The following CHST8 variants were observed in gnomAD, a reference collection of about 807,000 sequenced individuals.
CHST8 encodes carbohydrate sulfotransferase 8, also known as GALNAC-4-ST1.
CHST8 carries 10 observed loss-of-function variants against 15.0 expected under a neutral mutation model. That is an observed-to-expected ratio of 0.67 (90% CI 0.41 to 1.13). CHST8 has a LOEUF of 1.13. CHST8 is among the 50% of genes most tolerant of loss of function. The pLI, the probability that CHST8 is intolerant of heterozygous loss-of-function variation, is 0.00. For missense variants in CHST8, 634 were observed against 608.2 expected, an observed-to-expected ratio of 1.04 and a Z score of -0.45; for synonymous variants, 259 against 256.6, an observed-to-expected ratio of 1.01 and a Z score of -0.09.
chr19:33,722,686 G>A (rs1973821989), intron 3 of CHST8, among the ~76,000 whole-genome samples: 1 of 152,076 alleles, frequency 6.6e-6, no homozygotes, highest in Non-Finnish European at 1.5e-5. Flanking sequence ...ATGGAGATGA[G>A]GTTTCTGGGG....
In CHST8 at chr19:33,765,070, A is replaced by ATATATATATATATATATATATATATATG. The variant is rs71181381; in HGVS notation, c.131-6340_131-6339insATATATATATATATATATATATATGTAT. 7.4e-3 allele frequency among the ~76,000 whole-genome samples: 829 copies of ATATATATATATATATATATATATATATG among 112,610 alleles called. 35 individuals carry two copies. The highest frequency in any genetic ancestry group is 9.6e-3 in the Non-Finnish European group (522 of 54,528). The allele number at this position is 112,610 out of a possible 152,430, so 73.9% of individuals were successfully genotyped here. On this transcript the variant is annotated intron_variant, in intron 3 of 4. Coordinates refer to ENST00000650847, the MANE Select transcript of CHST8 (RefSeq NM_001127895.2). ...TATTCCATCATATATATATATATAT[A>ATATATATATATATATATATATATATATG]TATCAGAGTTTCTTTATCCACTCGT...
At chr19:33,724,816 C>T (rs1599588776) in intron 3 of CHST8, among the ~76,000 whole-genome samples, 1 of 152,186 alleles carries the variant, frequency 6.6e-6, no homozygotes, top group African/African-American at 2.4e-5. Flanking sequence ...TCCCCAGCTG[C>T]TCCACCTCTC....
intron 2 of CHST8, among the ~76,000 whole-genome samples, chr19:33,680,628 C>A (rs1042430897): frequency 7.9e-5 from 12 of 152,148 alleles, no homozygotes; most frequent in African/African-American, 2.9e-4. Flanking sequence ...TAGTCCAAAT[C>A]GATATTAATA....
At chr19:33,655,124 C>A (rs1972494008) in intron 1 of CHST8, among the ~76,000 whole-genome samples, 1 of 152,154 alleles carries the variant, frequency 6.6e-6, no homozygotes, top group Non-Finnish European at 1.5e-5. Context: ...GCAGCCTCCG[C>A]CTCCCGGGTA....
intron 3 of CHST8, among the ~76,000 whole-genome samples, chr19:33,755,632 G>A (rs111753452): frequency 0.01 from 1,557 of 152,312 alleles, 36 homozygotes; most frequent in African/African-American, 0.036. Context: ...TTTCACAACC[G>A]CAAAGAGGTG....
At chr19:33,654,806 G>T (rs1472225274) in intron 1 of CHST8, among the ~76,000 whole-genome samples, 1 of 152,078 alleles carries the variant, frequency 6.6e-6, no homozygotes, top group Non-Finnish European at 1.5e-5. Flanking sequence ...TCTTATGAGG[G>T]CCCTGACTGA....
At chr19:33,744,605 G>C (rs1974274751) in intron 3 of CHST8, 1 of 151,994 alleles carries the variant, frequency 6.6e-6, no homozygotes, top group South Asian at 2.1e-4. Context: ...CTGTCAGCCA[G>C]GTTGTAGTGC....
intron 3 of CHST8, among the ~76,000 whole-genome samples, chr19:33,714,535 T>G (rs550165811): frequency 6.6e-6 from 1 of 151,966 alleles, no homozygotes; most frequent in Non-Finnish European, 1.5e-5. Flanking sequence ...AAAAACCTAT[T>G]GGGTACAAAG....
At position 33,760,082 on chromosome 19, in the gene CHST8, G is replaced by T. The variant is rs75633164; in HGVS notation, c.131-11331G>T. On this transcript the variant is annotated intron_variant, in intron 3 of 4. Coordinates refer to ENST00000650847, the MANE Select transcript of CHST8 (RefSeq NM_001127895.2). Reference sequence around the variant, plus strand: ...GCCTCAAGAGTCTCCTGCCTGGATAGTGACAGCAATCCCCTGACCAACCTT... The same window carrying T: ...GCCTCAAGAGTCTCCTGCCTGGATATTGACAGCAATCCCCTGACCAACCTT... 9.8e-3 allele frequency among the ~76,000 whole-genome samples: 1,492 copies of T among 152,196 alleles called. 45 individuals are homozygous for T. The highest frequency in any genetic ancestry group is 0.079 in the East Asian group (409 of 5,148).
In CHST8 at chr19:33,704,309, C is replaced by T. The variant is rs549463409; in HGVS notation, c.130+14918C>T. Among the ~76,000 whole-genome samples the T allele has an allele frequency of 1.4e-3, 216 of 152,338 alleles. 1 individual carries two copies. Among genetic ancestry groups the T allele is most frequent in the African/African-American group, 5.0e-3 (210 of 41,590 alleles). ...CCCATCCCACCTCCTCCAAAGGCTA[C>T]AGCCATTTATGAGTGCATTTGACCT... On this transcript the variant is annotated intron_variant, in intron 3 of 4. Transcript: ENST00000650847.
Position 33,772,118 on chromosome 19 carries a change from C to G in CHST8, c.330C>G (p.Arg110=), listed in dbSNP as rs1974999508. 6.2e-7 allele frequency: 1 copy of G among 1,610,720 alleles called. No individual in the cohort carries two copies. The highest frequency in any genetic ancestry group is 8.5e-7 in the Non-Finnish European group (1 of 1,179,020). Reference sequence around the variant, plus strand: ...GAACCCGTCTGCGGCTCCGCCAGCGCCGTCGCCGTCTGCTCATCAAGAAAA... The same window carrying G: ...GAACCCGTCTGCGGCTCCGCCAGCGGCGTCGCCGTCTGCTCATCAAGAAAA... ...QRGTRLRLRQ[R]RRRLLIKKMP... Residue 110 remains arginine (R), a synonymous_variant, in exon 5 of 5, where the codon CGC becomes CGG. Coordinates refer to ENST00000650847, the MANE Select transcript of CHST8 (RefSeq NM_001127895.2).
chr19:33,702,460 G>C (rs1973358870), intron 3 of CHST8, among the ~76,000 whole-genome samples: 1 of 152,214 alleles, frequency 6.6e-6, no homozygotes, highest in Admixed American at 6.5e-5. Context: ...TGTGGCAACT[G>C]TCAGCTCCCC....
chr19:33,750,654 G>A (rs1419041783), intron 3 of CHST8, among the ~76,000 whole-genome samples: 1 of 152,238 alleles, frequency 6.6e-6, no homozygotes, highest in Non-Finnish European at 1.5e-5. Flanking sequence ...GGGAACCAAA[G>A]AATAAAACCA....
At chr19:33,748,731 C>G (rs568490396) in intron 3 of CHST8, among the ~76,000 whole-genome samples, 1 of 152,290 alleles carries the variant, frequency 6.6e-6, no homozygotes, top group African/African-American at 2.4e-5. Flanking sequence ...GATAGTGAAA[C>G]TGAGGCTGCA....
intron 3 of CHST8, among the ~76,000 whole-genome samples, chr19:33,764,334 C>T (rs1974790452): frequency 6.6e-6 from 1 of 152,080 alleles, no homozygotes; most frequent in African/African-American, 2.4e-5. Flanking sequence ...GGCTATCCTG[C>T]CCTGTCTTCA....
At chr19:33,678,235 A>T (rs1019863170) in intron 2 of CHST8, among the ~76,000 whole-genome samples, 1 of 152,130 alleles carries the variant, frequency 6.6e-6, no homozygotes, top group African/African-American at 2.4e-5. Context: ...ACTAATGGAG[A>T]AGGGATGTTC....
intron 2 of CHST8, among the ~76,000 whole-genome samples, chr19:33,686,257 T>C (rs1972978078): frequency 6.6e-6 from 1 of 152,164 alleles, no homozygotes; most frequent in African/African-American, 2.4e-5. Flanking sequence ...CCTGGGTCTG[T>C]GTCTTCTTCC....
intron 3 of CHST8, among the ~76,000 whole-genome samples, chr19:33,696,072 C>T (rs780962792): frequency 6.6e-6 from 1 of 152,020 alleles, no homozygotes; most frequent in Non-Finnish European, 1.5e-5. Flanking sequence ...GTGATCCCCC[C>T]ACCTCAGCCT....
chr19:33,630,914 C>T (rs1169424964), intron 1 of CHST8, among the ~76,000 whole-genome samples: 1 of 152,214 alleles, frequency 6.6e-6, no homozygotes, highest in East Asian at 1.9e-4. Flanking sequence ...TCTGTAGATT[C>T]AGTGGCTTTT....
Sources: gnomAD v4.1 joint callset for allele counts (sites outside exome capture counted in the v4.1 genomes callset) on GRCh38, gnomAD v4.1.1 for gene constraint, MANE v1.5 for transcripts, NCBI Gene and HGNC (gene_info 2026-07-23, HGNC 2026-07-21) for gene names.